ACACA: variants seen among roughly 807,000 people sequenced by gnomAD.
ACACA encodes acetyl-CoA carboxylase alpha.
ACACA carries 103 observed loss-of-function variants against 296.1 expected under a neutral mutation model. The observed-to-expected ratio is 0.35, with a 90% CI of 0.30 to 0.41. The LOEUF is 0.41. Among genes scored for constraint, ACACA ranks in the 10% least tolerant of loss-of-function variants. ACACA has a pLI of 1.00. For synonymous variants in ACACA, 953 were observed against 1,038.6 expected (o/e 0.92, Z 1.58); for missense variants, 1,554 against 2,989.7 (o/e 0.52, Z 11.20).
In ACACA at chr17:37,259,381, A is replaced by G. The variant is rs2081347337; in HGVS notation, c.1479T>C (p.Asn493=). ...HPCTEMVADV[N]LPAAQLQIAM... ...TCACCTGGAGCTGTGCTGCAGGGAGATTGACATCAGCCACCATCTCTGTAC... is the reference window on the plus strand; with the variant it reads ...TCACCTGGAGCTGTGCTGCAGGGAGGTTGACATCAGCCACCATCTCTGTAC... Residue 493 remains asparagine, a synonymous_variant, in exon 12 of 56, where the codon AAT becomes AAC. Transcript: ENST00000616317. 4.3e-6 allele frequency: 7 copies of G among 1,614,066 alleles called. No homozygotes were observed. Among genetic ancestry groups the G allele is most frequent in the Non-Finnish European group, 5.9e-6 (7 of 1,180,020 alleles).
chr17:37,310,576 C>G (rs2146995422), intron 3 of ACACA, among the ~76,000 whole-genome samples: 1 of 151,806 alleles, frequency 6.6e-6, no homozygotes, highest in South Asian at 2.1e-4. Flanking sequence ...GGTGGATCAC[C>G]TGAGGTCAGG....
At chr17:37,389,495 C>T in intron 1 of ACACA, 5 of 1,276,720 alleles carry the variant, frequency 3.9e-6, no homozygotes, top group East Asian at 5.3e-5. Flanking sequence ...TGATCGAGAC[C>T]AGCCTGACCA....
chr17:37,270,506 T>C (rs980092841), intron 10 of ACACA, among the ~76,000 whole-genome samples: 1 of 152,228 alleles, frequency 6.6e-6, no homozygotes, highest in African/African-American at 2.4e-5. Context: ...TGAGCACGTT[T>C]ATATAAGACA....
chr17:37,390,747 C>T (rs2050845747), intron 1 of ACACA, among the ~76,000 whole-genome samples: 1 of 148,558 alleles, frequency 6.7e-6, no homozygotes, highest in East Asian at 2.0e-4. Flanking sequence ...GAGCTATGAT[C>T]GAGCCACTGC....
chr17:37,279,048 T>G (rs1395599015), intron 5 of ACACA, among the ~76,000 whole-genome samples: 2 of 152,132 alleles, frequency 1.3e-5, no homozygotes, highest in Non-Finnish European at 2.9e-5. Context: ...AAGACATTTA[T>G]GCGGCCAACA....
intron 45 of ACACA, among the ~76,000 whole-genome samples, chr17:37,131,212 C>T (rs1286320867): frequency 6.6e-6 from 1 of 151,858 alleles, no homozygotes; most frequent in African/African-American, 2.4e-5. Flanking sequence ...TCAAAGGGCA[C>T]CTGCAATTGG....
chr17:37,199,825 T>TAA (rs10562354), intron 35 of ACACA, among the ~76,000 whole-genome samples: 53,483 of 147,628 alleles, frequency 0.36, 12,694 homozygotes, highest in African/African-American at 0.67. Context: ...ATTATAGGGT[T>TAA]AAAAAAAAAA....
intron 1 of ACACA, among the ~76,000 whole-genome samples, chr17:37,364,868 C>G (rs12103707): frequency 6.6e-6 from 1 of 152,140 alleles, no homozygotes; most frequent in African/African-American, 2.4e-5. Context: ...CTGAATCTTT[C>G]TAGTCCTTGG....
intron 33 of ACACA, among the ~76,000 whole-genome samples, chr17:37,201,498 A>G (rs1445744170): frequency 3.9e-5 from 6 of 152,070 alleles, no homozygotes; most frequent in African/African-American, 7.2e-5. Flanking sequence ...AGTCTTGGGC[A>G]TCTGGACCTA....
chr17:37,238,160 C>T (rs2080204356), intron 24 of ACACA, among the ~76,000 whole-genome samples: 1 of 152,142 alleles, frequency 6.6e-6, no homozygotes, highest in Non-Finnish European at 1.5e-5. Context: ...TCTTCCTATC[C>T]TGAGGTTATA....
In ACACA at chr17:37,375,597, AC is replaced by A. The variant is rs2049970952; in HGVS notation, c.38+30664del. 2.6e-5 allele frequency among the ~76,000 whole-genome samples: 4 copies of A among 152,294 alleles called. No homozygotes were observed. The South Asian group carries it at 8.3e-4, about 32-fold the overall frequency. On this transcript the variant is annotated intron_variant, in intron 1 of 55. Transcript: ENST00000616317. ...GGTGATAGCTCATAAAAGGGCCTGTACTAGAACTCAATTGTACTGACTCCTA... is the reference window on the plus strand; with the variant it reads ...GGTGATAGCTCATAAAAGGGCCTGTATAGAACTCAATTGTACTGACTCCTA...
intron 35 of ACACA, among the ~76,000 whole-genome samples, chr17:37,199,362 A>G (rs1405819594): frequency 6.6e-6 from 1 of 152,216 alleles, no homozygotes; most frequent in African/African-American, 2.4e-5. Context: ...TTTGAAAACA[A>G]CATATTGATT....
At chr17:37,246,798 G>A (rs1263982645) in intron 19 of ACACA, 28 bp downstream of exon 19, 1 of 1,612,300 alleles carries the variant, frequency 6.2e-7, no homozygotes, top group Non-Finnish European at 8.5e-7. Flanking sequence ...CCCCTCCCAT[G>A]ATCCCACAGT....
chr17:37,115,695 T>C (rs1231749286), intron 50 of ACACA, among the ~76,000 whole-genome samples: 3 of 152,218 alleles, frequency 2.0e-5, no homozygotes, highest in African/African-American at 7.2e-5. Flanking sequence ...CTAGATTTCA[T>C]AGTATATGCA....
At chr17:37,212,229 C>A (rs1420389114) in intron 29 of ACACA, among the ~76,000 whole-genome samples, 1 of 152,154 alleles carries the variant, frequency 6.6e-6, no homozygotes, top group South Asian at 2.1e-4. Context: ...ATAAAATAAT[C>A]TAACTGCTTC....
rs2080598259 is a variant in ACACA at position 37,244,587 on chromosome 17, C to A, written c.2742+1G>T. Reference sequence around the variant, plus strand: ...CCTTCCCCAGGAGACGTGATACATACCTTGCTGCTAAAGAAAGGATCTGGA... The same window carrying A: ...CCTTCCCCAGGAGACGTGATACATAACTTGCTGCTAAAGAAAGGATCTGGA... On this transcript the variant is annotated splice_donor_variant, in intron 21 of 55. Transcript: ENST00000616317. LOFTEE classifies it high-confidence loss of function. 1 of 1,613,982 alleles carries A rather than the reference C, an allele frequency of 6.2e-7. No individual in the cohort carries two copies. The highest frequency in any genetic ancestry group is 8.5e-7 in the Non-Finnish European group (1 of 1,179,980).
At chr17:37,300,113 G>A (rs867422352) in intron 3 of ACACA, among the ~76,000 whole-genome samples, 1 of 152,092 alleles carries the variant, frequency 6.6e-6, no homozygotes, top group East Asian at 1.9e-4. Flanking sequence ...AATGGAGCTG[G>A]TACAAAACGG....
At position 37,121,535 on chromosome 17, in the gene ACACA, AG is replaced by A. The variant is rs748204995; in HGVS notation, c.6139-46del. ...AAGACACAATTAACAACACAGCTCCAGGGGGAAATCTCTCCAAGGTGAACAA... is the reference window on the plus strand; with the variant it reads ...AAGACACAATTAACAACACAGCTCCAGGGGAAATCTCTCCAAGGTGAACAA... On this transcript the variant is annotated intron_variant, in intron 49 of 55. Transcript: ENST00000616317. The A allele has an allele frequency of 6.8e-6, 11 of 1,612,134 alleles. 1 individual carries two copies. The South Asian group carries it at 1.1e-4, about 16-fold the overall frequency.
At chr17:37,216,448 TA>T (rs2079002892) in intron 29 of ACACA, among the ~76,000 whole-genome samples, 1 of 151,916 alleles carries the variant, frequency 6.6e-6, no homozygotes, top group African/African-American at 2.4e-5. Context: ...AAGGAGATAA[TA>T]TACCTCGACT....
Sources: allele counts gnomAD v4.1 joint callset (sites outside exome capture counted in the v4.1 genomes callset), GRCh38; gene constraint gnomAD v4.1.1; transcripts MANE v1.5; gene names NCBI Gene and HGNC (gene_info 2026-07-23, HGNC 2026-07-21).